The following KCNMB2 variants were observed in gnomAD, a reference collection of about 807,000 sequenced individuals.
KCNMB2 encodes calcium-activated potassium channel subunit beta-2.
A neutral mutation model predicts 24.5 loss-of-function variants in KCNMB2; 9 were observed. The ratio of observed to expected loss-of-function variants is 0.37; its 90% CI spans 0.22 to 0.64. The LOEUF (loss-of-function observed/expected upper bound fraction) is 0.64, where lower values mean the gene tolerates loss of function less well. Ranked by LOEUF, KCNMB2 falls within the 30% of genes least tolerant of loss-of-function variation. The pLI, the probability that KCNMB2 is intolerant of heterozygous loss-of-function variation, is 0.63. For synonymous variants in KCNMB2, 109 were observed against 104.4 expected (o/e 1.04, Z -0.27); for missense variants, 226 against 284.3 (o/e 0.79, Z 1.47).
At chr3:178,692,480 G>A (rs1285772025) in intron 1 of KCNMB2, among the ~76,000 whole-genome samples, 1 of 152,168 alleles carries the variant, frequency 6.6e-6, no homozygotes, top group Non-Finnish European at 1.5e-5. Context: ...AGTTAACCCA[G>A]CACCATTTAT....
At chr3:178,781,529 T>C (rs1327522009) in intron 1 of KCNMB2, among the ~76,000 whole-genome samples, 3 of 152,026 alleles carry the variant, frequency 2.0e-5, no homozygotes, top group Non-Finnish European at 2.9e-5. Context: ...GAGACAGAGG[T>C]TGCAGTAAGC....
chr3:178,697,380 T>C (rs567290333), intron 1 of KCNMB2, among the ~76,000 whole-genome samples: 1 of 152,332 alleles, frequency 6.6e-6, no homozygotes, highest in South Asian at 2.1e-4. Flanking sequence ...TCTTTTTTGA[T>C]CTTTGTTGGT....
At chr3:178,568,831 T>TGATA (rs71810920) in intron 1 of KCNMB2, among the ~76,000 whole-genome samples, 12 of 116,256 alleles carry the variant, frequency 1.0e-4, no homozygotes, top group East Asian at 9.0e-4. Context: ...GATAGATAGA[T>TGATA]GATAGATAGA....
chr3:178,767,271 A>C (rs1214774420), intron 1 of KCNMB2, among the ~76,000 whole-genome samples: 1 of 152,230 alleles, frequency 6.6e-6, no homozygotes, highest in East Asian at 1.9e-4. Flanking sequence ...TTGAAATGCA[A>C]TGTTGAGTGA....
In KCNMB2 at chr3:178,689,044, C is replaced by CT. The variant is rs141916584; in HGVS notation, c.-67-118296dup. On this transcript the variant is annotated intron_variant, in intron 1 of 4. Coordinates refer to ENST00000452583, the MANE Select transcript of KCNMB2 (RefSeq NM_181361.3). ...CAGTTTTGGCTTAAGTCAAATCAGT[C>CT]TTTAGAGAAAATTGCTGTGTATTAC... Among the ~76,000 whole-genome samples, 251 of 152,132 alleles carry CT rather than the reference C, an allele frequency of 1.6e-3. 1 individual carries two copies. Among genetic ancestry groups the CT allele is most frequent in the African/African-American group, 5.8e-3 (240 of 41,512 alleles).
intron 1 of KCNMB2, among the ~76,000 whole-genome samples, chr3:178,638,308 A>T (rs2902434): frequency 0.69 from 104,499 of 152,016 alleles, 36,449 homozygotes; most frequent in African/African-American, 0.82. Flanking sequence ...TCAACCAAAC[A>T]TTTTTTGGTT....
intron 1 of KCNMB2, among the ~76,000 whole-genome samples, chr3:178,567,401 A>C (rs1716565515): frequency 6.6e-6 from 1 of 152,198 alleles, no homozygotes; most frequent in African/African-American, 2.4e-5. Context: ...TATGTAATAC[A>C]ACTAGTGGCT....
At chr3:178,839,186 T>TAAA (rs66510741) in intron 4 of KCNMB2, among the ~76,000 whole-genome samples, 1 of 148,040 alleles carries the variant, frequency 6.8e-6, no homozygotes, top group African/African-American at 2.5e-5. Flanking sequence ...TTTCCAAACT[T>TAAA]AAAAAAAAAA....
intron 1 of KCNMB2, among the ~76,000 whole-genome samples, chr3:178,758,120 A>G (rs1724245614): frequency 9.6e-6 from 1 of 104,232 alleles, no homozygotes; most frequent in African/African-American, 3.3e-5. Context: ...AAGAGGATAT[A>G]TATATGTACA....
intron 1 of KCNMB2, among the ~76,000 whole-genome samples, chr3:178,550,911 A>G (rs896059028): frequency 6.6e-6 from 1 of 152,214 alleles, no homozygotes; most frequent in African/African-American, 2.4e-5. Context: ...TTTTATTATT[A>G]AGATGAGAGT....
intron 1 of KCNMB2, among the ~76,000 whole-genome samples, chr3:178,763,276 C>T (rs1711986600): frequency 6.6e-6 from 1 of 152,068 alleles, no homozygotes; most frequent in Non-Finnish European, 1.5e-5. Flanking sequence ...GTAAGTCAGG[C>T]TTTGTGATTT....
At chr3:178,592,698 C>A (rs1244879289) in intron 1 of KCNMB2, among the ~76,000 whole-genome samples, 1 of 152,058 alleles carries the variant, frequency 6.6e-6, no homozygotes, top group African/African-American at 2.4e-5. Flanking sequence ...TGGTAAACTC[C>A]TGGTTTGCGC....
At chr3:178,602,481 G>C (rs1358677272) in intron 1 of KCNMB2, among the ~76,000 whole-genome samples, 4 of 151,928 alleles carry the variant, frequency 2.6e-5, no homozygotes, top group African/African-American at 9.7e-5. Flanking sequence ...TACAATAAAG[G>C]GGGTCAATAA....
At chr3:178,653,194 T>A (rs1212512356) in intron 1 of KCNMB2, among the ~76,000 whole-genome samples, 1 of 152,124 alleles carries the variant, frequency 6.6e-6, no homozygotes, top group Non-Finnish European at 1.5e-5. Context: ...GATTCTTTGT[T>A]AAGGTAATTT....
intron 1 of KCNMB2, among the ~76,000 whole-genome samples, chr3:178,608,604 T>C (rs1185459994): frequency 1.3e-5 from 2 of 152,224 alleles, no homozygotes; most frequent in Non-Finnish European, 2.9e-5. Context: ...TATTGTGCTA[T>C]TGAATAGTAG....
At chr3:178,702,309 C>T (rs940639776) in intron 1 of KCNMB2, among the ~76,000 whole-genome samples, 10 of 147,850 alleles carry the variant, frequency 6.8e-5, no homozygotes, top group Non-Finnish European at 1.3e-4. Flanking sequence ...GGAGGGATAG[C>T]GTTAGGAGAT....
At chr3:178,684,463 T>C (rs1180205409) in intron 1 of KCNMB2, among the ~76,000 whole-genome samples, 1 of 151,968 alleles carries the variant, frequency 6.6e-6, no homozygotes, top group Non-Finnish European at 1.5e-5. Context: ...ATGGGATTTG[T>C]GCCAAATAAG....
intron 1 of KCNMB2, among the ~76,000 whole-genome samples, chr3:178,763,263 C>A (rs1711985632): frequency 6.6e-6 from 1 of 152,014 alleles, no homozygotes; most frequent in Admixed American, 6.6e-5. Flanking sequence ...TAATATGAAG[C>A]CAGTAAGTCA....
At chr3:178,793,734 A>T (rs984337841) in intron 1 of KCNMB2, among the ~76,000 whole-genome samples, 2 of 152,138 alleles carry the variant, frequency 1.3e-5, no homozygotes, top group African/African-American at 4.8e-5. Flanking sequence ...GCATGGGGCT[A>T]TCAGGGATCC....
Sources: allele counts gnomAD v4.1 joint callset (sites outside exome capture counted in the v4.1 genomes callset), GRCh38; gene constraint gnomAD v4.1.1; transcripts MANE v1.5; gene names NCBI Gene and HGNC (gene_info 2026-07-23, HGNC 2026-07-21).